EIF3B: variants seen among roughly 807,000 people sequenced by gnomAD.
EIF3B encodes the protein eukaryotic translation initiation factor 3 subunit 9.
In EIF3B, 10 loss-of-function variants were observed where a neutral mutation model predicts 104.6. The ratio of observed to expected loss-of-function variants is 0.10; its 90% CI spans 0.06 to 0.16. The LOEUF is 0.16. Among genes scored for constraint, EIF3B ranks in the 10% least tolerant of loss-of-function variants. The pLI is 1.00. For synonymous variants in EIF3B, 542 were observed against 417.2 expected, an observed-to-expected ratio of 1.30 and a Z score of -3.65; for missense variants, 1,014 against 1,087.9, an observed-to-expected ratio of 0.93 and a Z score of 0.96.
chr7:2,363,087 A>G lies in EIF3B; in HGVS notation c.830A>G (p.Asp277Gly). ...TDFDKYMTISDEWDIPEKQPF... is the reference protein window; with the variant it reads ...TDFDKYMTISGEWDIPEKQPF... ...TTCTCCAGGTATATGACGATCAGTG[A>G]CGAGTGGGATATTCCAGAGAAACAG... Residue 277 changes from aspartate to glycine, a missense_variant, in exon 4 of 19, where the codon GAC becomes GGC. Asp to Gly is a moderately conservative substitution (Grantham distance 94). Coordinates refer to ENST00000360876, the MANE Select transcript of EIF3B (RefSeq NM_001037283.2). 1.2e-6 allele frequency: 2 copies of G among 1,614,098 alleles called. No individual in the cohort carries two copies. Among genetic ancestry groups the G allele is most frequent in the Non-Finnish European group, 1.7e-6 (2 of 1,180,006 alleles).
rs1181331144 is a variant in EIF3B at position 2,355,340 on chromosome 7, C to G, written c.419C>G (p.Pro140Arg). 1.4e-5 allele frequency: 21 copies of G among 1,540,834 alleles called. No individual in the cohort carries two copies. Among genetic ancestry groups the G allele is most frequent in the Non-Finnish European group, 1.8e-5 (21 of 1,150,686 alleles). ...GAGGGCAGAGCGGCCGAGGCCGAAC[C>G]CCGGGCGCTGGAGAACGGCGACGCG... The part of the protein sequence containing the change: ...GNEGRAAEAE[P>R]RALENGDADE... Residue 140 changes from proline (P) to arginine (R), a missense_variant, in exon 1 of 19, where the codon CCC becomes CGC. Pro to Arg is a moderately radical substitution (Grantham distance 103). This residue lies in a region of EIF3B where 488 missense variants were observed against 404.3 expected (regional missense o/e 1.21). Coordinates refer to ENST00000360876, the MANE Select transcript of EIF3B (RefSeq NM_001037283.2).
chr7:2,364,532 A>G lies in EIF3B; in HGVS notation c.1157+3A>G. The stretch of plus-strand genomic sequence containing the variant: ...ATTGACTTCTCACCTTGTGAAAGGT[A>G]AGCTGCTAGAAAAACACAGGGGAGT... On this transcript the variant is annotated splice_donor_region_variant and intron_variant, in intron 6 of 18. Transcript: ENST00000360876. 1.9e-6 allele frequency: 3 copies of G among 1,610,664 alleles called. No individual in the cohort carries two copies. The highest frequency in any genetic ancestry group is 2.5e-6 in the Non-Finnish European group (3 of 1,178,848).
rs1780518667 is a variant in EIF3B, at chr7:2,374,299, T to C, written c.1811-229T>C. The C allele has an allele frequency of 6.7e-6, 3 of 447,292 alleles. No homozygotes were observed. In the East Asian group the frequency reaches 1.0e-4, roughly 15 times the overall value. 27.7% of individuals were successfully genotyped at this position (447,292 alleles called of 1,614,324 possible). A position where few individuals can be genotyped will look rare whatever the true frequency, so the allele number is the denominator to read the frequency against. On this transcript the variant is annotated intron_variant, in intron 12 of 18. Coordinates refer to ENST00000360876, the MANE Select transcript of EIF3B (RefSeq NM_001037283.2). ...AGTTACCTCAGGAAATAAGATAGTA[T>C]TGTTTTGAAATACCCCTGTCGCATC...
chr7:2,365,265 A>G (rs1359502511), intron 6 of EIF3B, among the ~76,000 whole-genome samples: 1 of 152,072 alleles, frequency 6.6e-6, no homozygotes, highest in Non-Finnish European at 1.5e-5. Context: ...GTGATTTTTG[A>G]TCTAGCTAAT....
At chr7:2,354,701 A>G (rs1035562146), upstream of EIF3B, among the ~76,000 whole-genome samples, 6 of 152,016 alleles carry the variant, frequency 3.9e-5, no homozygotes, top group Non-Finnish European at 8.8e-5. Flanking sequence ...TCACAAATAT[A>G]TCAGTTTGAT....
chr7:2,358,509 T>C (rs1398242014), intron 1 of EIF3B, among the ~76,000 whole-genome samples: 2 of 152,128 alleles, frequency 1.3e-5, no homozygotes, highest in Admixed American at 1.3e-4. Flanking sequence ...CATCTGCATA[T>C]TTAGTATGTT....
intron 9 of EIF3B, among the ~76,000 whole-genome samples, chr7:2,368,942 C>A (rs964619082): frequency 1.3e-5 from 2 of 152,156 alleles, no homozygotes; most frequent in Admixed American, 6.5e-5. Context: ...CAGCACATAG[C>A]GTGTATAAAG....
Position 2,379,721 on chromosome 7 carries a change from G to T in EIF3B, c.*14+210G>T, listed in dbSNP as rs149254108. The T allele has an allele frequency of 2.4e-3, 1,341 of 547,816 alleles. 16 individuals carry two copies. The highest frequency in any genetic ancestry group is 0.023 in the African/African-American group (1,215 of 52,674). The allele number at this position is 547,816 out of a possible 1,614,324, so 33.9% of individuals were successfully genotyped here. A position where few individuals can be genotyped will look rare whatever the true frequency, so the allele number is the denominator to read the frequency against. On this transcript the variant is annotated intron_variant, in intron 18 of 18. Coordinates refer to ENST00000360876, the MANE Select transcript of EIF3B (RefSeq NM_001037283.2). ...GCCCTCTGACCACATTGCAGATGGCGCCTTTCAGGCAGTGCTGGGTGAGGG... is the reference window on the plus strand; with the variant it reads ...GCCCTCTGACCACATTGCAGATGGCTCCTTTCAGGCAGTGCTGGGTGAGGG...
intron 1 of EIF3B, among the ~76,000 whole-genome samples, chr7:2,358,219 G>C (rs1460151610): frequency 6.6e-6 from 1 of 152,034 alleles, no homozygotes; most frequent in Non-Finnish European, 1.5e-5. Flanking sequence ...AAGTAGCTGG[G>C]ATTATAAGCA....
intron 12 of EIF3B, 186 bp downstream of exon 12, chr7:2,372,981 G>A: frequency 2.0e-6 from 1 of 495,492 alleles, no homozygotes; most frequent in East Asian, 3.4e-5. Flanking sequence ...CTCCTTGCAG[G>A]GTGTCTCTCT....
intron 11 of EIF3B, 140 bp downstream of exon 11, chr7:2,371,989 T>G: frequency 1.4e-6 from 1 of 689,996 alleles, no homozygotes; most frequent in Non-Finnish European, 2.6e-6. Flanking sequence ...CATCTCCAGG[T>G]CACAGAACGT....
In EIF3B at chr7:2,378,245, C is replaced by T. The variant is rs1202728880; in HGVS notation, c.2155-444C>T. ...CCCTGGGTGTCGAGGAAGGAGAAGGCGCGAGCACTGCTGGGATGCTGTGTT... is the reference window on the plus strand; with the variant it reads ...CCCTGGGTGTCGAGGAAGGAGAAGGTGCGAGCACTGCTGGGATGCTGTGTT... On this transcript the variant is annotated intron_variant, in intron 15 of 18. Transcript: ENST00000360876. The T allele has an allele frequency of 4.2e-5, 6 of 144,562 alleles. No homozygotes were observed. In the South Asian group the frequency reaches 8.9e-4, roughly 21 times the overall value. The allele number at this position is 144,562 out of a possible 1,614,324, so 9.0% of individuals were successfully genotyped here.
intron 18 of EIF3B, chr7:2,379,877 A>G (rs1780902040): frequency 3.5e-6 from 1 of 286,998 alleles, no homozygotes; most frequent in Non-Finnish European, 6.8e-6. Flanking sequence ...CACGGCTGTG[A>G]CTGTGGTTTC....
At chr7:2,355,580 C>T (rs1018481042) in intron 1 of EIF3B, among the ~76,000 whole-genome samples, 160 bp downstream of exon 1, 1 of 152,170 alleles carries the variant, frequency 6.6e-6, no homozygotes, top group African/African-American at 2.4e-5. Flanking sequence ...TTCCCGAGTG[C>T]CCTGGAAGTG....
chr7:2,367,254 G>A (rs575003564), intron 9 of EIF3B: 12 of 522,916 alleles, frequency 2.3e-5, no homozygotes, highest in East Asian at 2.2e-4. Flanking sequence ...ACAGCCCCTC[G>A]GTCCAGCCTT....
Position 2,378,760 on chromosome 7 carries a change from C to T in EIF3B, c.2226C>T (p.Ala742=), listed in dbSNP as rs747177962. The T allele has an allele frequency of 1.2e-6, 2 of 1,613,558 alleles. No homozygotes were observed. The highest frequency in any genetic ancestry group is 1.3e-5 in the African/African-American group (1 of 74,928). The change falls in exon 16 of 19, where the codon GCC becomes GCT. Residue 742 remains alanine (A), a synonymous_variant. Coordinates refer to ENST00000360876, the MANE Select transcript of EIF3B (RefSeq NM_001037283.2). ...EQKDRLSQSK[A]SKELVERRRT... ...AGGATCGTTTGAGTCAGTCCAAAGCCTCAAAGGTGAGCCTCATTCCCAAAA... is the reference window on the plus strand; with the variant it reads ...AGGATCGTTTGAGTCAGTCCAAAGCTTCAAAGGTGAGCCTCATTCCCAAAA...
At chr7:2,363,917 C>T (rs1007484810) in intron 5 of EIF3B, among the ~76,000 whole-genome samples, 157 bp downstream of exon 5, 1 of 152,214 alleles carries the variant, frequency 6.6e-6, no homozygotes, top group Non-Finnish European at 1.5e-5. Flanking sequence ...CCTCTTCCAG[C>T]TTTGAAGTAA....
At position 2,375,391 on chromosome 7, in the gene EIF3B, T is replaced by C. The variant is rs1253796409; in HGVS notation, c.1892T>C (p.Met631Thr). The C allele has an allele frequency of 3.1e-6, 5 of 1,614,094 alleles. No homozygotes were observed. Among genetic ancestry groups the C allele is most frequent in the African/African-American group, 1.3e-5 (1 of 74,936 alleles). ...QFVVLAGLRS[M>T]NGALAFVDTS... ...GACGGTCCTGTCTGTCTTTGCAGTA[T>C]GAACGGTGCCTTAGCGTTTGTGGAC... is the stretch of plus-strand genomic sequence containing the variant. Residue 631 changes from methionine to threonine, a missense_variant and splice_region_variant, in exon 14 of 19, where the codon ATG becomes ACG. Physicochemically the swap from Met to Thr is moderately conservative, Grantham distance 81. Coordinates refer to ENST00000360876, the MANE Select transcript of EIF3B (RefSeq NM_001037283.2).
chr7:2,379,846 C>A, intron 18 of EIF3B: 1 of 323,052 alleles, frequency 3.1e-6, no homozygotes, highest in Non-Finnish European at 5.9e-6. Context: ...GGTGTGTCCA[C>A]TGGAAAGAAA....
Sources: allele counts gnomAD v4.1 joint callset (sites outside exome capture counted in the v4.1 genomes callset), GRCh38; gene constraint gnomAD v4.1.1; regional missense constraint gnomAD v4.1.1; transcripts MANE v1.5; gene names NCBI Gene and HGNC (gene_info 2026-07-23, HGNC 2026-07-21).